DYNC2I1: variants seen among roughly 807,000 people sequenced by gnomAD.
DYNC2I1 encodes cytoplasmic dynein 2 intermediate chain 1.
Under a neutral mutation model 133.4 loss-of-function variants are expected in DYNC2I1, and 89 were observed. That is an observed-to-expected ratio of 0.67 (90% CI 0.56 to 0.80). DYNC2I1 has a LOEUF of 0.80. Among genes scored for constraint, DYNC2I1 ranks in the 30% least tolerant of loss-of-function variants. The pLI is 0.00. For synonymous variants in DYNC2I1, 504 were observed against 484.3 expected (o/e 1.04, Z -0.54); for missense variants, 1,291 against 1,314.5 (o/e 0.98, Z 0.28).
chr7:158,864,892 A>G (rs771711217), intron 1 of DYNC2I1, among the ~76,000 whole-genome samples: 2 of 152,210 alleles, frequency 1.3e-5, no homozygotes, highest in South Asian at 2.1e-4. Flanking sequence ...AGTGTTTTCT[A>G]AAAGAGGAGG....
At chr7:158,911,741 G>T in intron 12 of DYNC2I1, 62 bp downstream of exon 12, 4 of 1,522,586 alleles carry the variant, frequency 2.6e-6, no homozygotes, top group Non-Finnish European at 3.5e-6. Flanking sequence ...GGATAACTTT[G>T]TGTCTTCCTG....
intron 3 of DYNC2I1, among the ~76,000 whole-genome samples, chr7:158,872,305 G>A (rs1842957965): frequency 6.6e-6 from 1 of 152,018 alleles, no homozygotes; most frequent in East Asian, 1.9e-4. Flanking sequence ...AACAGAGTGA[G>A]ACCCTGTCTC....
At chr7:158,932,335 G>C (rs927680186) in intron 21 of DYNC2I1, among the ~76,000 whole-genome samples, 1 of 152,210 alleles carries the variant, frequency 6.6e-6, no homozygotes, top group Non-Finnish European at 1.5e-5. Flanking sequence ...ACTGAGCCAG[G>C]CCTTTGAGGT....
the DYNC2I1 span, among the ~76,000 whole-genome samples, chr7:158,843,295 T>A: frequency 2.0e-5 from 3 of 151,950 alleles, no homozygotes; most frequent in Non-Finnish European, 2.9e-5. Context: ...AGTTTCGCTC[T>A]TGTTGCCCAG....
At chr7:158,939,207 A>AT (rs1380994258) in intron 23 of DYNC2I1, among the ~76,000 whole-genome samples, 1 of 151,958 alleles carries the variant, frequency 6.6e-6, no homozygotes, top group African/African-American at 2.4e-5. Context: ...AGGTGGGAAG[A>AT]TTGCTTGAGT....
At chr7:158,927,647 G>T (rs570595432) in intron 20 of DYNC2I1, among the ~76,000 whole-genome samples, 9 of 151,994 alleles carry the variant, frequency 5.9e-5, no homozygotes, top group African/African-American at 2.2e-4. Context: ...TGCCTCCTGG[G>T]TTCAAGCAAT....
intron 8 of DYNC2I1, 44 bp downstream of exon 8, chr7:158,891,377 C>T: frequency 6.2e-7 from 1 of 1,607,166 alleles, no homozygotes; most frequent in Non-Finnish European, 8.5e-7. Flanking sequence ...CCTGTCCCAG[C>T]ACAGACCCAC....
rs373833205 is a variant in DYNC2I1 at position 158,902,505 on chromosome 7, A to G, written c.1267A>G (p.Ile423Val). 53 of 1,613,960 alleles carry G rather than the reference A, an allele frequency of 3.3e-5. No homozygotes were observed. In the African/African-American group the frequency reaches 4.5e-4, roughly 14 times the overall value. Residue 423 changes from isoleucine to valine, a missense_variant, in exon 10 of 25, where the codon ATT becomes GTT. Coordinates refer to ENST00000407559, the MANE Select transcript of DYNC2I1 (RefSeq NM_018051.5). ...GGAAATACAAGAAATTCAAAGAGCT[A>G]TTAATGCAGAAAATGAAAGGATTGG... ...KKEIQEIQRA[I>V]NAENERIGEL...
intron 19 of DYNC2I1, 47 bp from the exon 20 acceptor site, chr7:158,926,945 A>G: frequency 7.0e-7 from 1 of 1,422,246 alleles, no homozygotes; most frequent in East Asian, 2.4e-5. Context: ...AGGTTGTTTC[A>G]TAATTATAAA....
intron 4 of DYNC2I1, among the ~76,000 whole-genome samples, chr7:158,953,027 G>A (rs1665553947): frequency 6.6e-6 from 1 of 152,206 alleles, no homozygotes; most frequent in Non-Finnish European, 1.5e-5. Context: ...CAGCCCAGGT[G>A]GCATCCGCAC....
chr7:158,924,803 G>A (rs917577414), intron 17 of DYNC2I1, among the ~76,000 whole-genome samples: 11 of 151,914 alleles, frequency 7.2e-5, no homozygotes, highest in African/African-American at 1.2e-4. Flanking sequence ...AGCCCAGGCT[G>A]GAGTACAGTG....
chr7:158,935,475 T>G (rs1253551217), intron 23 of DYNC2I1, among the ~76,000 whole-genome samples: 1 of 152,266 alleles, frequency 6.6e-6, no homozygotes, highest in Non-Finnish European at 1.5e-5. Context: ...CACTAGTGTT[T>G]ACAAATTTCC....
the DYNC2I1 span, among the ~76,000 whole-genome samples, chr7:158,840,743 G>T: frequency 6.6e-6 from 1 of 152,222 alleles, no homozygotes; most frequent in Non-Finnish European, 1.5e-5. Flanking sequence ...CAGTGGAGTG[G>T]TGCTGGGCTG....
intron 14 of DYNC2I1, among the ~76,000 whole-genome samples, chr7:158,914,790 A>G (rs1847849563): frequency 6.6e-6 from 1 of 151,996 alleles, no homozygotes; most frequent in Admixed American, 6.6e-5. Flanking sequence ...GTCTCGTCTG[A>G]CCCCCCTGCC....
chr7:158,853,393 A>G (rs1252270494), upstream of DYNC2I1, among the ~76,000 whole-genome samples: 1 of 152,172 alleles, frequency 6.6e-6, no homozygotes, highest in Non-Finnish European at 1.5e-5. Context: ...TAAGTCTGGT[A>G]AGAAGCATTT....
the DYNC2I1 span, among the ~76,000 whole-genome samples, chr7:158,848,786 T>C: frequency 6.6e-6 from 1 of 152,072 alleles, no homozygotes; most frequent in South Asian, 2.1e-4. Flanking sequence ...TAGCCAGGCA[T>C]GGTGGCAGGC....
the DYNC2I1 span, among the ~76,000 whole-genome samples, chr7:158,850,347 C>T: frequency 6.6e-6 from 1 of 152,204 alleles, no homozygotes; most frequent in Non-Finnish European, 1.5e-5. Context: ...GCAGATCCTG[C>T]CTGTTTCTGG....
At chr7:158,879,641 A>G (rs375496885) in intron 4 of DYNC2I1, 43 bp from the exon 5 acceptor site, 45 of 1,525,180 alleles carry the variant, frequency 3.0e-5, no homozygotes, top group African/African-American at 1.1e-4. Flanking sequence ...CTGCACTCCT[A>G]TTTGATGTGC....
chr7:158,937,725 A>G (rs534637543), intron 23 of DYNC2I1, among the ~76,000 whole-genome samples: 2 of 152,186 alleles, frequency 1.3e-5, no homozygotes, highest in African/African-American at 4.8e-5. Context: ...CTTGAGCAAC[A>G]TAGGGAGACC....
Sources: gnomAD v4.1 joint callset for allele counts (sites outside exome capture counted in the v4.1 genomes callset) on GRCh38, gnomAD v4.1.1 for gene constraint, MANE v1.5 for transcripts, NCBI Gene and HGNC (gene_info 2026-07-23, HGNC 2026-07-21) for gene names.